Variants in DMD observed in about 807,000 individuals in gnomAD.
The protein encoded by DMD is mutant dystrophin.
In DMD, 63 loss-of-function variants were observed where a neutral mutation model predicts 330.1. The ratio of observed to expected loss-of-function variants is 0.19; its 90% CI spans 0.16 to 0.24. The LOEUF is 0.24. Among genes scored for constraint, DMD ranks in the 10% least tolerant of loss-of-function variants. DMD has a pLI of 1.00. For synonymous variants in DMD, 1,223 were observed against 959.8 expected (o/e 1.27, Z -5.07); for missense variants, 3,344 against 2,684.1 (o/e 1.25, Z -5.43).
chrX:31,147,152 G>T, intron 75 of DMD, 123 bp downstream of exon 75: 1 of 911,605 alleles, frequency 1.1e-6, no homozygotes. Flanking sequence ...CTATCACTTT[G>T]CAGGCACATA....
At chrX:33,194,218 T>C (rs2050804431) in intron 1 of DMD, among the ~76,000 whole-genome samples, 1 of 110,872 alleles carries the variant, frequency 9.0e-6, no homozygotes, top group Non-Finnish European at 1.9e-5. Flanking sequence ...CTAGATGTCA[T>C]GAATTAGAAC....
At position 32,522,439 on chromosome X, in the gene DMD, A is replaced by T. The variant is rs928945399; in HGVS notation, c.2169-4308T>A. Among the ~76,000 whole-genome samples the T allele has an allele frequency of 2.3e-4, 26 of 112,285 alleles. 3 individuals carry two copies. The highest frequency in any genetic ancestry group is 1.8e-3 in the Admixed American group (19 of 10,608). On this transcript the variant is annotated intron_variant, in intron 17 of 78. Transcript: ENST00000357033. ...TAACATATCCGTATAATTTGTAAAG[A>T]TCGCATCAGTGTACTTGGGATATCC...
chrX:32,936,449 C>A (rs147101953), intron 2 of DMD, among the ~76,000 whole-genome samples: 28 of 111,713 alleles, frequency 2.5e-4, no homozygotes, highest in African/African-American at 8.8e-4. Context: ...AGGGGCATAT[C>A]CTATTACTTT....
At chrX:32,530,452 T>G (rs935975265) in intron 17 of DMD, among the ~76,000 whole-genome samples, 6 of 112,495 alleles carry the variant, frequency 5.3e-5, no homozygotes, top group African/African-American at 9.7e-5. Flanking sequence ...TCTTCCTACC[T>G]TAATTTGGTA....
At chrX:33,193,823 A>G in intron 1 of DMD, among the ~76,000 whole-genome samples, 1 of 111,484 alleles carries the variant, frequency 9.0e-6, no homozygotes, top group Non-Finnish European at 1.9e-5. Context: ...TAATGGTTTG[A>G]AACAAAAGAA....
chrX:32,058,718 A>G (rs748154420), intron 44 of DMD, among the ~76,000 whole-genome samples: 2 of 111,118 alleles, frequency 1.8e-5, no homozygotes, highest in Non-Finnish European at 3.8e-5. Flanking sequence ...AAATATAACT[A>G]CCATAAGATC....
chrX:32,231,077 T>C lies in DMD; in HGVS notation c.6291-14014A>G, dbSNP rs1309702414. 1.6e-4 allele frequency among the ~76,000 whole-genome samples: 18 copies of C among 112,317 alleles called. No individual in the cohort carries two copies. The Admixed American group carries it at 1.7e-3, about 11-fold the overall frequency. On this transcript the variant is annotated intron_variant, in intron 43 of 78. Coordinates refer to ENST00000357033, the MANE Select transcript of DMD (RefSeq NM_004006.3). ...CCTTTAAGGCTCAAACATTTTACTA[T>C]GTGTAAATGATTTTACTGCTATTGT...
intron 44 of DMD, among the ~76,000 whole-genome samples, chrX:31,975,244 C>T (rs1361128953): frequency 8.9e-6 from 1 of 111,766 alleles, no homozygotes; most frequent in Non-Finnish European, 1.9e-5. Flanking sequence ...GGCATGAAAG[C>T]ATTCAATCAT....
chrX:32,493,273 T>C (rs1569564830), intron 19 of DMD, among the ~76,000 whole-genome samples: 1 of 112,032 alleles, frequency 8.9e-6, no homozygotes, highest in Non-Finnish European at 1.9e-5. Context: ...GAAACACAAC[T>C]GTAACTTCAC....
At chrX:31,232,578 A>G (rs960185039) in intron 63 of DMD, among the ~76,000 whole-genome samples, 1 of 111,469 alleles carries the variant, frequency 9.0e-6, no homozygotes, top group Non-Finnish European at 1.9e-5. Flanking sequence ...TATGTAGCCA[A>G]GAAGTCTCAG....
At chrX:32,623,556 C>A (rs1418920643) in intron 11 of DMD, among the ~76,000 whole-genome samples, 4 of 98,149 alleles carry the variant, frequency 4.1e-5, no homozygotes, top group Non-Finnish European at 8.1e-5. Flanking sequence ...GAGACAGGGT[C>A]TCATTCTGTT....
At chrX:32,587,428 C>T (rs1234953867) in intron 13 of DMD, among the ~76,000 whole-genome samples, 1 of 112,188 alleles carries the variant, frequency 8.9e-6, no homozygotes, top group Non-Finnish European at 1.9e-5. Flanking sequence ...AAAATTATCA[C>T]TGTTGGTCAA....
At chrX:32,862,609 C>T (rs201961287) in intron 2 of DMD, among the ~76,000 whole-genome samples, 1 of 110,216 alleles carries the variant, frequency 9.1e-6, no homozygotes, top group Admixed American at 9.7e-5. Context: ...ATGGTAAATG[C>T]TTTATCTTAT....
chrX:32,717,866 G>A (rs183571232), intron 7 of DMD, among the ~76,000 whole-genome samples: 75 of 111,628 alleles, frequency 6.7e-4, no homozygotes, highest in African/African-American at 2.4e-3. Context: ...TTATTTTGGA[G>A]CTTTAAGATT....
intron 11 of DMD, among the ~76,000 whole-genome samples, chrX:32,619,442 A>G (rs905604962): frequency 1.8e-5 from 2 of 111,626 alleles, no homozygotes; most frequent in African/African-American, 6.5e-5. Context: ...GTAGAGAGAG[A>G]GGACGTTAAA....
chrX:32,469,481 T>A (rs1296457033), intron 22 of DMD, among the ~76,000 whole-genome samples: 1 of 111,232 alleles, frequency 9.0e-6, no homozygotes, highest in East Asian at 2.8e-4. Flanking sequence ...CAGTTATTCT[T>A]TCCCCTATAA....
intron 16 of DMD, among the ~76,000 whole-genome samples, chrX:32,555,978 A>G (rs1378163005): frequency 8.9e-6 from 1 of 112,192 alleles, no homozygotes; most frequent in Admixed American, 9.5e-5. Context: ...AGGGGATCTA[A>G]TTAAACTAAA....
chrX:32,785,309 G>T (rs1264776028), intron 7 of DMD, among the ~76,000 whole-genome samples: 1 of 110,687 alleles, frequency 9.0e-6, no homozygotes, highest in Admixed American at 9.7e-5. Context: ...GCTTGTGTAA[G>T]TAACAATATT....
chrX:31,786,276 T>C (rs1216663213), intron 50 of DMD, among the ~76,000 whole-genome samples: 2 of 111,938 alleles, frequency 1.8e-5, no homozygotes, highest in Admixed American at 9.5e-5. Context: ...TTTATATCCT[T>C]CCCCCACTTT....
Sources: allele counts gnomAD v4.1 joint callset (sites outside exome capture counted in the v4.1 genomes callset), GRCh38; gene constraint gnomAD v4.1.1; transcripts MANE v1.5; gene names NCBI Gene and HGNC (gene_info 2026-07-23, HGNC 2026-07-21).